ACAT2: variants seen among roughly 807,000 people sequenced by gnomAD.
The protein encoded by ACAT2 is acetyl-CoA acetyltransferase, cytosolic.
Under a neutral mutation model 37.1 loss-of-function variants are expected in ACAT2, and 26 were observed. That is an observed-to-expected ratio of 0.70 (90% confidence interval 0.51 to 0.97). The LOEUF (loss-of-function observed/expected upper bound fraction) is 0.97, where lower values mean the gene tolerates loss of function less well. Ranked by LOEUF, ACAT2 falls within the 50% of genes least tolerant of loss-of-function variation. The pLI is 0.00. For synonymous variants in ACAT2, 156 were observed against 163.6 expected, an observed-to-expected ratio of 0.95 and a Z score of 0.35; for missense variants, 468 against 489.0, an observed-to-expected ratio of 0.96 and a Z score of 0.40.
chr6:159,762,810 C>G, intron 1 of ACAT2, 109 bp from the exon 2 acceptor site: 1 of 1,593,738 alleles, frequency 6.3e-7, no homozygotes. Flanking sequence ...AGGGCACTGC[C>G]TCCTCGCGTG....
intron 4 of ACAT2, 40 bp downstream of exon 4, chr6:159,768,668 G>T (rs181463237): frequency 3.5e-6 from 5 of 1,441,418 alleles, no homozygotes; most frequent in African/African-American, 2.8e-5. Flanking sequence ...GCTTTAAAAA[G>T]GTTAAAAAGA....
intron 1 of ACAT2, chr6:159,762,396 C>G: frequency 7.3e-7 from 1 of 1,378,490 alleles, no homozygotes; most frequent in Non-Finnish European, 9.4e-7. Flanking sequence ...AGAGCCATCG[C>G]GTGGCCTGCC....
chr6:159,771,257 G>A (rs1780332159), intron 4 of ACAT2, among the ~76,000 whole-genome samples: 2 of 152,022 alleles, frequency 1.3e-5, no homozygotes, highest in African/African-American at 4.8e-5. Flanking sequence ...GCGCATGCCT[G>A]TAATCCCAGC....
chr6:159,776,693 A>G (rs1780420698), intron 6 of ACAT2, among the ~76,000 whole-genome samples: 1 of 152,246 alleles, frequency 6.6e-6, no homozygotes, highest in African/African-American at 2.4e-5. Flanking sequence ...CTACCTTTGT[A>G]TTTTTCCAGT....
At chr6:159,777,635 G>A (rs1030151347) in intron 7 of ACAT2, among the ~76,000 whole-genome samples, 179 bp downstream of exon 7, 86 of 152,176 alleles carry the variant, frequency 5.7e-4, no homozygotes, top group African/African-American at 1.8e-3. Context: ...CACCATCATA[G>A]CTCACTGCAG....
At chr6:159,774,529 T>C (rs1780384602) in intron 4 of ACAT2, among the ~76,000 whole-genome samples, 1 of 152,198 alleles carries the variant, frequency 6.6e-6, no homozygotes, top group African/African-American at 2.4e-5. Context: ...AGCCTTGAAC[T>C]CCTAGGCTCA....
At position 159,777,474 on chromosome 6, in the gene ACAT2, C is replaced by T; in HGVS notation, c.912+18C>T. The T allele has an allele frequency of 6.2e-7, 1 of 1,601,236 alleles. No individual in the cohort carries two copies. The highest frequency in any genetic ancestry group is 1.8e-5 in the Admixed American group (1 of 57,020). ...AGCAAGCTGTGAGTATAACCCTATT[C>T]CCTTTTATGAAATTTGTCTTCCTGT... On this transcript the variant is annotated intron_variant, in intron 7 of 8. Transcript: ENST00000367048.
At position 159,776,341 on chromosome 6, in the gene ACAT2, T is replaced by C; in HGVS notation, c.757+69T>C. 2.6e-6 allele frequency: 4 copies of C among 1,527,252 alleles called. No individual in the cohort carries two copies. In the East Asian group the frequency reaches 9.5e-5, roughly 36 times the overall value. The allele number at this position is 1,527,252 out of a possible 1,614,324, so 94.6% of individuals were successfully genotyped here. A position where few individuals can be genotyped will look rare whatever the true frequency, so the allele number is the denominator to read the frequency against. ...AATGTCTACCGAGTGAATATTTTTCTCTTTATTTATATACAAAAGTACTAT... is the reference window on the plus strand; with the variant it reads ...AATGTCTACCGAGTGAATATTTTTCCCTTTATTTATATACAAAAGTACTAT... On this transcript the variant is annotated intron_variant, in intron 6 of 8. Transcript: ENST00000367048.
intron 1 of ACAT2, chr6:159,762,660 G>A (rs747557116): frequency 2.5e-5 from 37 of 1,461,838 alleles, no homozygotes; most frequent in Middle Eastern, 3.6e-4. Flanking sequence ...CCAGTCCTTC[G>A]GATTTGGGGA....
chr6:159,766,940 A>G, intron 2 of ACAT2, 65 bp from the exon 3 acceptor site: 2 of 1,595,580 alleles, frequency 1.3e-6, no homozygotes, highest in South Asian at 2.2e-5. Context: ...TTTTCCACAC[A>G]CTTTCACTGT....
At position 159,775,240 on chromosome 6, in the gene ACAT2, C is replaced by A. The variant is rs1028144499; in HGVS notation, c.561C>A (p.Asn187Lys). 1 of 1,614,100 alleles carries A rather than the reference C, an allele frequency of 6.2e-7. No homozygotes were observed. Residue 187 changes from asparagine to lysine, a missense_variant, in exon 5 of 9, where the codon AAC becomes AAA. Physicochemically the swap from Asn to Lys is moderately conservative, Grantham distance 94. Transcript: ENST00000367048. ...DQDKVAVLSQ[N>K]RTENAQKAGH... ...ACAAGGTTGCAGTTCTGTCCCAGAA[C>A]AGGACAGAGAATGCACAGAAAGCTG...
At position 159,776,162 on chromosome 6, in the gene ACAT2, T is replaced by C. The variant is rs1640360005; in HGVS notation, c.647T>C (p.Val216Ala). Residue 216 changes from valine to alanine, a missense_variant, in exon 6 of 9, where the codon GTT becomes GCT. Coordinates refer to ENST00000367048, the MANE Select transcript of ACAT2 (RefSeq NM_005891.3). ...LVSTRKGLIE[V>A]KTDEFPRHGS... is the part of the protein sequence containing the mutation. ...TTCCTTTGCTTAGGTCTTATTGAAG[T>C]TAAAACAGATGAGTTTCCTCGCCAT... 1 of 1,614,052 alleles carries C rather than the reference T, an allele frequency of 6.2e-7. No homozygotes were observed. The highest frequency in any genetic ancestry group is 2.2e-5 in the East Asian group (1 of 44,878).
chr6:159,762,447 CCCCTGA>C, intron 1 of ACAT2: 4 of 1,350,036 alleles, frequency 3.0e-6, no homozygotes, highest in Non-Finnish European at 3.8e-6. Flanking sequence ...TCCTCCGGGG[CCCCTGA>C]TTGGCCGGCT....
chr6:159,775,080 A>G, intron 4 of ACAT2, 90 bp from the exon 5 acceptor site: 1 of 1,426,820 alleles, frequency 7.0e-7, no homozygotes, highest in Admixed American at 1.9e-5. Flanking sequence ...ATATGTGGTC[A>G]GTCAGTGCTT....
intron 2 of ACAT2, among the ~76,000 whole-genome samples, chr6:159,766,001 G>C (rs994986706): frequency 6.6e-6 from 1 of 152,214 alleles, no homozygotes; most frequent in Admixed American, 6.5e-5. Flanking sequence ...TCTGATAACA[G>C]ACAATGGCGA....
Position 159,775,176 on chromosome 6 carries a change from A to G in ACAT2, c.497A>G (p.Asn166Ser). The change falls in exon 5 of 9, where the codon AAT becomes AGT. Residue 166 changes from asparagine to serine, a missense_variant. By Grantham distance (46) the Asn-to-Ser change is conservative (BLOSUM62 1). Transcript: ENST00000367048. ...TGTTTTTCTCCTTTCCCAGCTGAAA[A>G]TGTAGCCAAAAAATGGCAAGTGAGT... ...HNCHMGITAE[N>S]VAKKWQVSRE... 6.2e-7 allele frequency: 1 copy of G among 1,613,462 alleles called. No individual in the cohort carries two copies. Among genetic ancestry groups the G allele is most frequent in the Non-Finnish European group, 8.5e-7 (1 of 1,179,760 alleles).
intron 6 of ACAT2, among the ~76,000 whole-genome samples, chr6:159,776,545 CTTAAAACAGTTTAAG>C (rs1222270657): frequency 1.1e-4 from 16 of 152,102 alleles, no homozygotes; most frequent in Non-Finnish European, 5.9e-5. Context: ...CAAAATTATT[CTTAAAACAGTTTAAG>C]GAAACATGTC....
rs779258711 is a variant in ACAT2, at chr6:159,777,380, G to A, written c.836G>A (p.Arg279Gln). ...ADKRGLTPLA[R>Q]IVSWSQVGVE... ...AAACGTGGGCTTACACCTTTAGCAC[G>A]GATAGTTTCCTGGTCCCAAGTGGGT... The change falls in exon 7 of 9, where the codon CGG becomes CAG. Residue 279 changes from arginine (R) to glutamine (Q), a missense_variant. Physicochemically the swap from Arg to Gln is conservative, Grantham distance 43. Coordinates refer to ENST00000367048, the MANE Select transcript of ACAT2 (RefSeq NM_005891.3). The A allele has an allele frequency of 7.4e-6, 12 of 1,614,086 alleles. No homozygotes were observed. Among genetic ancestry groups the A allele is most frequent in the Admixed American group, 3.3e-5 (2 of 59,998 alleles).
intron 6 of ACAT2, 126 bp downstream of exon 6, chr6:159,776,398 G>C: frequency 8.3e-7 from 1 of 1,201,290 alleles, no homozygotes. Context: ...CTGCCAGCCA[G>C]GTTCGTGTGC....
Sources: gnomAD v4.1 joint callset for allele counts (sites outside exome capture counted in the v4.1 genomes callset) on GRCh38, gnomAD v4.1.1 for gene constraint, MANE v1.5 for transcripts, NCBI Gene and HGNC (gene_info 2026-07-23, HGNC 2026-07-21) for gene names.